The following KIAA1217 variants were observed in gnomAD, a reference collection of about 807,000 sequenced individuals.
KIAA1217 encodes the protein KIAA1217.
A neutral mutation model predicts 163.9 loss-of-function variants in KIAA1217; 88 were observed. That is an observed-to-expected ratio of 0.54 (90% CI 0.45 to 0.64). KIAA1217 has a LOEUF of 0.64. KIAA1217 is among the 30% of genes least tolerant of loss of function. KIAA1217 has a pLI of 0.00. For missense variants in KIAA1217, 2,372 were observed against 2,475.0 expected, an observed-to-expected ratio of 0.96 and a Z score of 0.88; for synonymous variants, 903 against 923.1, an observed-to-expected ratio of 0.98 and a Z score of 0.39.
intron 2 of KIAA1217, among the ~76,000 whole-genome samples, chr10:24,122,385 T>A: frequency 6.6e-6 from 1 of 152,178 alleles, no homozygotes; most frequent in East Asian, 1.9e-4. Context: ...ATTTTCTTTA[T>A]CCAGTCCACC....
chr10:24,138,487 GATTAGACTTTTTTC>G lies in KIAA1217; in HGVS notation c.-170-81132_-170-81119del, dbSNP rs1407281364. 5.9e-5 allele frequency among the ~76,000 whole-genome samples: 9 copies of G among 152,192 alleles called. No individual in the cohort carries two copies. The East Asian group carries it at 1.7e-3, about 29-fold the overall frequency. ...ACATACTTGCAATTATTATGTATAT[GATTAGACTTTTTTC>G]ATTAGATTATGTGTTTTTATGTTAT... On this transcript the variant is annotated intron_variant, in intron 2 of 18. Coordinates refer to the KIAA1217 transcript ENST00000376462.
intron 2 of KIAA1217, among the ~76,000 whole-genome samples, chr10:24,325,721 T>A (rs574458397): frequency 1.3e-5 from 2 of 152,240 alleles, no homozygotes; most frequent in South Asian, 4.1e-4. Flanking sequence ...CAGAATGGTA[T>A]GTAATGGGGT....
chr10:24,211,373 T>A (rs1180802921), intron 1 of KIAA1217, among the ~76,000 whole-genome samples: 2 of 140,106 alleles, frequency 1.4e-5, no homozygotes, highest in East Asian at 2.1e-4. Flanking sequence ...TTTTTTTTTT[T>A]TTTTTTTTTT....
intron 2 of KIAA1217, among the ~76,000 whole-genome samples, chr10:24,373,343 T>G (rs2051966611): frequency 6.6e-6 from 1 of 152,130 alleles, no homozygotes; most frequent in Non-Finnish European, 1.5e-5. Context: ...CCTGCGCAAT[T>G]AGGAACTTCC....
At chr10:23,815,951 A>G (rs1030595974) in intron 1 of KIAA1217, among the ~76,000 whole-genome samples, 2 of 152,204 alleles carry the variant, frequency 1.3e-5, no homozygotes, top group Admixed American at 6.5e-5. Flanking sequence ...CCTTTCCTTC[A>G]GAGAACTGCT....
chr10:24,078,083 T>C (rs2061424358), intron 2 of KIAA1217, among the ~76,000 whole-genome samples: 1 of 152,246 alleles, frequency 6.6e-6, no homozygotes, highest in Non-Finnish European at 1.5e-5. Flanking sequence ...AGATGCTGGA[T>C]ATTAGACCTC....
At chr10:24,045,651 G>A (rs1157359918) in intron 2 of KIAA1217, among the ~76,000 whole-genome samples, 1 of 151,884 alleles carries the variant, frequency 6.6e-6, no homozygotes, top group Admixed American at 6.6e-5. Flanking sequence ...TTAAAATTCT[G>A]ATTATTTGGG....
At chr10:23,699,738 C>T (rs1009881885) in intron 1 of KIAA1217, among the ~76,000 whole-genome samples, 3 of 152,184 alleles carry the variant, frequency 2.0e-5, no homozygotes, top group African/African-American at 7.2e-5. Flanking sequence ...GATCCTCACA[C>T]CTTGGCCTCC....
intron 1 of KIAA1217, among the ~76,000 whole-genome samples, chr10:23,722,907 C>T (rs574635544): frequency 6.6e-6 from 1 of 152,294 alleles, no homozygotes; most frequent in South Asian, 2.1e-4. Flanking sequence ...AACCCTGGGT[C>T]CAGCTGTTCC....
chr10:24,414,951 T>C (rs544037246), intron 3 of KIAA1217, among the ~76,000 whole-genome samples: 1 of 152,168 alleles, frequency 6.6e-6, no homozygotes, highest in East Asian at 1.9e-4. Flanking sequence ...CAAAAAGTCT[T>C]CTGGAGTTTT....
intron 2 of KIAA1217, among the ~76,000 whole-genome samples, chr10:24,164,485 T>C (rs570144153): frequency 6.6e-6 from 1 of 152,308 alleles, no homozygotes; most frequent in African/African-American, 2.4e-5. Flanking sequence ...ACCCCATCTA[T>C]CCTGGTTACT....
intron 1 of KIAA1217, among the ~76,000 whole-genome samples, chr10:24,001,705 G>C (rs1030709074): frequency 3.9e-5 from 6 of 152,180 alleles, no homozygotes; most frequent in African/African-American, 1.4e-4. Context: ...GGCGGTGTTT[G>C]CACCAGAGAA....
At chr10:24,282,184 A>G (rs1353823635) in intron 2 of KIAA1217, among the ~76,000 whole-genome samples, 1 of 146,144 alleles carries the variant, frequency 6.8e-6, no homozygotes, top group African/African-American at 2.6e-5. Flanking sequence ...CCTGGGCAAC[A>G]TAGAGACCTC....
chr10:24,033,110 T>G (rs1375672200), intron 2 of KIAA1217, among the ~76,000 whole-genome samples: 1 of 152,218 alleles, frequency 6.6e-6, no homozygotes, highest in African/African-American at 2.4e-5. Flanking sequence ...TAATGAAGCA[T>G]GTCCTAAATA....
chr10:23,838,998 C>G (rs2131061352), intron 1 of KIAA1217, among the ~76,000 whole-genome samples: 1 of 151,590 alleles, frequency 6.6e-6, no homozygotes, highest in South Asian at 2.1e-4. Flanking sequence ...TTTCTGTGTT[C>G]AGCTCCATTC....
chr10:23,790,388 T>C (rs1424536357), intron 1 of KIAA1217, among the ~76,000 whole-genome samples: 2 of 110,844 alleles, frequency 1.8e-5, no homozygotes, highest in Non-Finnish European at 3.6e-5. Context: ...TATATATACA[T>C]ATGTATATAT....
At chr10:23,800,197 A>G (rs1002258596) in intron 1 of KIAA1217, among the ~76,000 whole-genome samples, 2 of 152,230 alleles carry the variant, frequency 1.3e-5, no homozygotes, top group Admixed American at 6.5e-5. Flanking sequence ...GAAATAAGAC[A>G]CTAATCCATA....
intron 5 of KIAA1217, among the ~76,000 whole-genome samples, chr10:24,451,603 T>C (rs2061377712): frequency 1.3e-5 from 2 of 152,228 alleles, no homozygotes; most frequent in South Asian, 4.1e-4. Flanking sequence ...CAGGATTGGC[T>C]ACACAACCAA....
At chr10:24,483,341 G>C (rs972881238) in intron 6 of KIAA1217, among the ~76,000 whole-genome samples, 3 of 152,092 alleles carry the variant, frequency 2.0e-5, no homozygotes, top group Admixed American at 6.6e-5. Context: ...TCTCCCAAAA[G>C]GTCTCCCCAC....
Sources: gnomAD v4.1 joint callset for allele counts (sites outside exome capture counted in the v4.1 genomes callset) on GRCh38, gnomAD v4.1.1 for gene constraint, MANE v1.5 for transcripts, NCBI Gene and HGNC (gene_info 2026-07-23, HGNC 2026-07-21) for gene names.